Variants in COL25A1 observed in about 807,000 individuals in gnomAD.
The protein encoded by COL25A1 is collagen alpha-1(XXV) chain.
A neutral mutation model predicts 128.4 loss-of-function variants in COL25A1; 103 were observed. That is an observed-to-expected ratio of 0.80 (90% CI 0.68 to 0.94). COL25A1 has a LOEUF of 0.94. Ranked by LOEUF, COL25A1 falls within the 40% of genes least tolerant of loss-of-function variation. COL25A1 has a pLI of 0.00. For synonymous variants in COL25A1, 279 were observed against 277.2 expected (o/e 1.01, Z -0.06); for missense variants, 745 against 840.0 (o/e 0.89, Z 1.40).
Position 109,154,035 on chromosome 4 carries a change from T to G in COL25A1, c.368-103856A>C, listed in dbSNP as rs1361601918. ...TTGAGCAAACAAAAGTTTAAAGTAGTAGCAACAAAATTAAAAAATAATCTA... is the reference window on the plus strand; with the variant it reads ...TTGAGCAAACAAAAGTTTAAAGTAGGAGCAACAAAATTAAAAAATAATCTA... On this transcript the variant is annotated intron_variant, in intron 3 of 37. Coordinates refer to ENST00000399132, the MANE Select transcript of COL25A1 (RefSeq NM_198721.4). Among the ~76,000 whole-genome samples the G allele has an allele frequency of 2.0e-5, 3 of 152,310 alleles. No homozygotes were observed. The East Asian group carries it at 5.8e-4, about 29-fold the overall frequency.
chr4:108,862,115 G>A (rs540983328), intron 22 of COL25A1, among the ~76,000 whole-genome samples: 34 of 152,266 alleles, frequency 2.2e-4, no homozygotes, highest in African/African-American at 6.7e-4. Context: ...TTAATGCAAC[G>A]AAGGGAGTCA....
At chr4:109,277,495 T>C (rs1722956398) in intron 3 of COL25A1, among the ~76,000 whole-genome samples, 1 of 152,166 alleles carries the variant, frequency 6.6e-6, no homozygotes, top group African/African-American at 2.4e-5. Context: ...AAACAGATTT[T>C]TTAAAAATTT....
intron 8 of COL25A1, among the ~76,000 whole-genome samples, chr4:108,959,036 AC>A (rs1750383250): frequency 1.3e-5 from 2 of 152,004 alleles, no homozygotes; most frequent in African/African-American, 4.8e-5. Context: ...ATTTTGATGG[AC>A]TCTGTCATCA....
At chr4:108,946,698 T>G (rs1274831110) in intron 8 of COL25A1, among the ~76,000 whole-genome samples, 1 of 151,998 alleles carries the variant, frequency 6.6e-6, no homozygotes, top group Non-Finnish European at 1.5e-5. Context: ...GGTGGAGAAG[T>G]TGGCGGGGGG....
intron 3 of COL25A1, among the ~76,000 whole-genome samples, chr4:109,221,014 T>C (rs1778370846): frequency 6.6e-6 from 1 of 152,060 alleles, no homozygotes; most frequent in South Asian, 2.1e-4. Context: ...GCCATAAACT[T>C]CCAGGAAGCA....
chr4:108,929,753 G>A (rs1441553343), intron 11 of COL25A1, among the ~76,000 whole-genome samples: 2 of 152,096 alleles, frequency 1.3e-5, no homozygotes, highest in Non-Finnish European at 2.9e-5. Context: ...TTGAACCCAG[G>A]AGTTTGAGGC....
At chr4:109,008,523 T>C (rs1406330555) in intron 6 of COL25A1, among the ~76,000 whole-genome samples, 1 of 152,194 alleles carries the variant, frequency 6.6e-6, no homozygotes, top group African/African-American at 2.4e-5. Flanking sequence ...AAGGTCCAGC[T>C]AAGACAGAGG....
At chr4:109,109,172 T>A (rs147186123) in intron 3 of COL25A1, among the ~76,000 whole-genome samples, 261 of 152,172 alleles carry the variant, frequency 1.7e-3, no homozygotes, top group African/African-American at 5.9e-3. Context: ...CACCACAACC[T>A]CCTCCTCCTG....
At chr4:109,007,257 C>T (rs1756111194) in intron 6 of COL25A1, among the ~76,000 whole-genome samples, 1 of 152,078 alleles carries the variant, frequency 6.6e-6, no homozygotes, top group Non-Finnish European at 1.5e-5. Flanking sequence ...ATATAAAATT[C>T]ATCTATAATT....
Position 108,812,837 on chromosome 4 carries a change from C to A in COL25A1, c.*1090G>T, listed in dbSNP as rs1030618161. On this transcript the variant is annotated 3_prime_UTR_variant, in exon 38 of 38. Transcript: ENST00000399132. ...ATCGGGAGAGGCGATTTTGGCTGAT[C>A]CCTTCTCAGAACATGTTATTTCTTC... 2.0e-5 allele frequency: 3 copies of A among 152,128 alleles called. No homozygotes were observed. Among genetic ancestry groups the A allele is most frequent in the Non-Finnish European group, 2.9e-5 (2 of 68,028 alleles). 9.4% of individuals were successfully genotyped at this position (152,128 alleles called of 1,614,324 possible).
chr4:109,195,339 T>G (rs1775944717), intron 3 of COL25A1, among the ~76,000 whole-genome samples: 1 of 152,160 alleles, frequency 6.6e-6, no homozygotes, highest in African/African-American at 2.4e-5. Flanking sequence ...TGATTTTTAT[T>G]TCATTGAAAT....
At chr4:108,868,800 G>A (rs1158008729) in intron 20 of COL25A1, among the ~76,000 whole-genome samples, 2 of 142,360 alleles carry the variant, frequency 1.4e-5, no homozygotes, top group Non-Finnish European at 3.1e-5. Flanking sequence ...GGAAAGGAAG[G>A]AAGGAAAGAA....
At chr4:109,071,627 A>T (rs1579276918) in intron 3 of COL25A1, among the ~76,000 whole-genome samples, 4 of 152,340 alleles carry the variant, frequency 2.6e-5, no homozygotes, top group Middle Eastern at 3.4e-3. Flanking sequence ...CCCATCAAAA[A>T]GTGGGCAAAG....
At chr4:108,960,183 T>A (rs933013575) in intron 8 of COL25A1, among the ~76,000 whole-genome samples, 1 of 136,322 alleles carries the variant, frequency 7.3e-6, no homozygotes, top group Non-Finnish European at 1.7e-5. Flanking sequence ...GGGGTAAAGC[T>A]CTTAACACAA....
At chr4:108,892,295 A>G (rs1410033160) in intron 16 of COL25A1, among the ~76,000 whole-genome samples, 1 of 152,208 alleles carries the variant, frequency 6.6e-6, no homozygotes, top group Non-Finnish European at 1.5e-5. Context: ...GATACTTGAG[A>G]TAAATGAATT....
chr4:108,964,984 G>C (rs1011239526), intron 8 of COL25A1, among the ~76,000 whole-genome samples: 1 of 152,062 alleles, frequency 6.6e-6, no homozygotes, highest in Admixed American at 6.5e-5. Context: ...ATTCATTAAG[G>C]CTACAGAGAA....
chr4:109,025,230 C>G (rs748015525), intron 5 of COL25A1, among the ~76,000 whole-genome samples: 1 of 152,122 alleles, frequency 6.6e-6, no homozygotes, highest in Non-Finnish European at 1.5e-5. Context: ...TAGTAGGATA[C>G]AATAAACATA....
chr4:109,156,316 G>A (rs1461193639), intron 3 of COL25A1, among the ~76,000 whole-genome samples: 1 of 152,198 alleles, frequency 6.6e-6, no homozygotes, highest in Non-Finnish European at 1.5e-5. Flanking sequence ...ACTAAAATGA[G>A]AACAACTCAA....
chr4:109,249,116 A>G (rs1780477490), intron 3 of COL25A1, among the ~76,000 whole-genome samples: 1 of 152,194 alleles, frequency 6.6e-6, no homozygotes, highest in Admixed American at 6.5e-5. Context: ...CTCGCCTTTA[A>G]AAGTCCAGCT....
Sources: allele counts gnomAD v4.1 joint callset (sites outside exome capture counted in the v4.1 genomes callset), GRCh38; gene constraint gnomAD v4.1.1; transcripts MANE v1.5; gene names NCBI Gene and HGNC (gene_info 2026-07-23, HGNC 2026-07-21).